Variants in ALG14 observed in about 807,000 individuals in gnomAD.
ALG14 encodes the protein UDP-N-acetylglucosamine transferase subunit ALG14.
Under a neutral mutation model 22.8 loss-of-function variants are expected in ALG14, and 17 were observed. The ratio of observed to expected loss-of-function variants is 0.75; its 90% CI spans 0.51 to 1.12. The LOEUF (loss-of-function observed/expected upper bound fraction) is 1.12, where lower values mean the gene tolerates loss of function less well. Among genes scored for constraint, ALG14 ranks in the 50% most tolerant of loss-of-function variants. The probability of loss-of-function intolerance (pLI) is 0.00; values close to 1 mark genes in which losing one functional copy is unlikely to be tolerated. For missense variants in ALG14, 288 were observed against 271.8 expected, an observed-to-expected ratio of 1.06 and a Z score of -0.42; for synonymous variants, 89 against 103.7, an observed-to-expected ratio of 0.86 and a Z score of 0.86.
chr1:95,029,906 GT>G (rs1400381641), intron 2 of ALG14, among the ~76,000 whole-genome samples: 1 of 152,164 alleles, frequency 6.6e-6, no homozygotes, highest in Non-Finnish European at 1.5e-5. Context: ...TCAAATCAAT[GT>G]TTTTCCTTCC....
At chr1:95,045,366 T>C (rs950127833) in intron 2 of ALG14, among the ~76,000 whole-genome samples, 2 of 152,188 alleles carry the variant, frequency 1.3e-5, no homozygotes, top group Admixed American at 6.5e-5. Context: ...AGAAAGAATG[T>C]AATGGACATT....
In ALG14 at chr1:95,072,884, G is replaced by A. The variant is rs1675621422; in HGVS notation, c.15C>T (p.Leu5=). ...CAGCTCCTGCGGCCGCAGCTAGAAC[G>A]AGAACGCACACCATGCAGAGAAACG... is the stretch of plus-strand genomic sequence containing the variant. MVCV[L]VLAAAAGAVA... is the part of the protein sequence containing the mutation. Residue 5 remains leucine (L), a synonymous_variant, in exon 1 of 4, where the codon CTC becomes CTT. Coordinates refer to ENST00000370205, the MANE Select transcript of ALG14 (RefSeq NM_144988.4). 1 of 1,614,064 alleles carries A rather than the reference G, an allele frequency of 6.2e-7. No homozygotes were observed. Among genetic ancestry groups the A allele is most frequent in the Non-Finnish European group, 8.5e-7 (1 of 1,180,008 alleles).
At position 95,072,857 on chromosome 1, in the gene ALG14, C is replaced by T. The variant is rs760614125; in HGVS notation, c.42G>A (p.Val14=). 9.9e-6 allele frequency: 16 copies of T among 1,614,170 alleles called. No homozygotes were observed. The East Asian group carries it at 3.3e-4, about 34-fold the overall frequency. ...ATATTCGCAGGATTAGGAAAACCGC[C>T]ACAGCTCCTGCGGCCGCAGCTAGAA... The part of the protein sequence containing the change: ...VLVLAAAAGA[V]AVFLILRIWV... Residue 14 remains valine (V), a synonymous_variant, in exon 1 of 4, where the codon GTG becomes GTA. Coordinates refer to ENST00000370205, the MANE Select transcript of ALG14 (RefSeq NM_144988.4).
intron 2 of ALG14, among the ~76,000 whole-genome samples, chr1:95,063,720 C>T (rs1323727888): frequency 6.6e-6 from 1 of 152,140 alleles, no homozygotes; most frequent in Non-Finnish European, 1.5e-5. Flanking sequence ...TAGCATGATG[C>T]CTCCAGCTTT....
intron 2 of ALG14, among the ~76,000 whole-genome samples, chr1:95,032,873 G>T (rs1252736682): frequency 6.6e-6 from 1 of 152,122 alleles, no homozygotes; most frequent in African/African-American, 2.4e-5. Flanking sequence ...TCTTAAGAGA[G>T]TTTTTATTAT....
At chr1:94,994,613 T>C (rs1168512534) in intron 3 of ALG14, among the ~76,000 whole-genome samples, 1 of 152,204 alleles carries the variant, frequency 6.6e-6, no homozygotes, top group Non-Finnish European at 1.5e-5. Flanking sequence ...CTGGTCTATG[T>C]GAGATCATAC....
At chr1:95,042,727 G>A (rs1456195191) in intron 2 of ALG14, among the ~76,000 whole-genome samples, 1 of 152,148 alleles carries the variant, frequency 6.6e-6, no homozygotes, top group African/African-American at 2.4e-5. Context: ...TCTCTTCATC[G>A]TTAGTTCTGA....
At chr1:95,002,960 T>G (rs1490744544) in intron 3 of ALG14, among the ~76,000 whole-genome samples, 1 of 152,212 alleles carries the variant, frequency 6.6e-6, no homozygotes, top group Admixed American at 6.5e-5. Context: ...TCTGACACAC[T>G]GCACCCACTG....
chr1:94,992,068 G>A (rs1341923819), intron 3 of ALG14, among the ~76,000 whole-genome samples: 2 of 151,926 alleles, frequency 1.3e-5, no homozygotes. Context: ...GGACCTGCCT[G>A]AAGTTGTTTT....
chr1:94,975,171 C>T lies in ALG14; in HGVS notation c.*7905G>A, dbSNP rs2100699137. 6.6e-6 allele frequency: 1 copy of T among 152,358 alleles called. No individual in the cohort carries two copies. Among genetic ancestry groups the T allele is most frequent in the East Asian group, 1.9e-4 (1 of 5,188 alleles). 9.4% of individuals were successfully genotyped at this position (152,358 alleles called of 1,614,324 possible). On this transcript the variant is annotated 3_prime_UTR_variant, in exon 4 of 4. Transcript: ENST00000370205. ...TGCCCTCCATTTCCCCTTCTCACTG[C>T]CCCTGGAAACCACTAAGCTACTTTC...
intron 3 of ALG14, among the ~76,000 whole-genome samples, chr1:94,996,329 C>T (rs1008166018): frequency 2.4e-4 from 36 of 152,162 alleles, no homozygotes; most frequent in African/African-American, 8.7e-4. Flanking sequence ...AAGCATGGTA[C>T]CCCTACTTTC....
At chr1:95,055,425 G>GA (rs1674892167) in intron 2 of ALG14, among the ~76,000 whole-genome samples, 1 of 151,658 alleles carries the variant, frequency 6.6e-6, no homozygotes. Context: ...ACTTCCAAGA[G>GA]TAAAAAAACA....
At chr1:95,029,032 T>C (rs1488672192) in intron 2 of ALG14, among the ~76,000 whole-genome samples, 4 of 152,268 alleles carry the variant, frequency 2.6e-5, no homozygotes, top group Non-Finnish European at 5.9e-5. Context: ...TCTCCAAATT[T>C]ACCAGCTTAA....
At chr1:95,061,829 T>C (rs544313113) in intron 2 of ALG14, 4 of 152,374 alleles carry the variant, frequency 2.6e-5, no homozygotes, top group Admixed American at 2.6e-4. Flanking sequence ...AAGACTTCGA[T>C]TGGTCTGAGT....
intron 3 of ALG14, among the ~76,000 whole-genome samples, chr1:95,023,928 G>T (rs898964543): frequency 2.0e-5 from 3 of 152,148 alleles, no homozygotes; most frequent in African/African-American, 7.2e-5. Context: ...ATATGTGGAA[G>T]CTTTTCTAGA....
chr1:95,040,205 A>G (rs1197847310), intron 2 of ALG14, among the ~76,000 whole-genome samples: 7 of 150,378 alleles, frequency 4.7e-5, no homozygotes, highest in Non-Finnish European at 8.8e-5. Flanking sequence ...ATAAATAAAT[A>G]AATAAGATTC....
chr1:95,005,997 C>A (rs919266879), intron 3 of ALG14, among the ~76,000 whole-genome samples: 2 of 152,122 alleles, frequency 1.3e-5, no homozygotes, highest in African/African-American at 2.4e-5. Context: ...ACTGAATTGT[C>A]CTAAATAGAA....
At chr1:95,023,923 T>A (rs1031054097) in intron 3 of ALG14, among the ~76,000 whole-genome samples, 1 of 152,222 alleles carries the variant, frequency 6.6e-6, no homozygotes, top group Non-Finnish European at 1.5e-5. Flanking sequence ...CTCAAATATG[T>A]GGAAGCTTTT....
At chr1:95,051,459 T>TGCTTTTGCCCTTCTCCCC in intron 2 of ALG14, among the ~76,000 whole-genome samples, 1 of 152,328 alleles carries the variant, frequency 6.6e-6, no homozygotes, top group Middle Eastern at 3.4e-3. Context: ...CCCCTCTCCC[T>TGCTTTTGCCCTTCTCCCC]GCTTTTGCCC....
Sources: gnomAD v4.1 joint callset for allele counts (sites outside exome capture counted in the v4.1 genomes callset) on GRCh38, gnomAD v4.1.1 for gene constraint, MANE v1.5 for transcripts, NCBI Gene and HGNC (gene_info 2026-07-23, HGNC 2026-07-21) for gene names.